NT5DC4: variants seen among roughly 807,000 people sequenced by gnomAD.
NT5DC4 encodes the protein 5'-nucleotidase domain containing 4.
In NT5DC4, 44 loss-of-function variants were observed where a neutral mutation model predicts 26.6. That is an observed-to-expected ratio of 1.65 (90% CI 1.30 to 2.13). The LOEUF (loss-of-function observed/expected upper bound fraction) is 2.13, where lower values mean the gene tolerates loss of function less well. Among genes scored for constraint, NT5DC4 ranks in the 30% most tolerant of loss-of-function variants. NT5DC4 has a pLI of 0.00. For missense variants in NT5DC4, 399 were observed against 228.1 expected (o/e 1.75, Z -4.83); for synonymous variants, 157 against 86.7 (o/e 1.81, Z -4.51).
intron 13 of NT5DC4, 131 bp from the exon 14 acceptor site, chr2:112,726,107 G>A (rs900603841): frequency 3.0e-6 from 2 of 660,422 alleles, no homozygotes; most frequent in Non-Finnish European, 5.6e-6. Flanking sequence ...GTGATGTAAG[G>A]GGCCAGGGGT....
chr2:112,721,468 A>G (rs1181877479), intron 1 of NT5DC4: 1 of 717,686 alleles, frequency 1.4e-6, no homozygotes, highest in East Asian at 2.7e-5. Context: ...CTGGGGTCCC[A>G]TTTCAGAAGG....
At chr2:112,741,034 G>A (rs756132839), downstream of NT5DC4, 2 of 1,493,340 alleles carry the variant, frequency 1.3e-6, no homozygotes, top group Non-Finnish European at 1.8e-6. Context: ...ATGAAGGAAA[G>A]TAAGATTTAC....
downstream of NT5DC4, among the ~76,000 whole-genome samples, chr2:112,741,790 C>T (rs1003989709): frequency 2.6e-5 from 4 of 151,860 alleles, no homozygotes; most frequent in Admixed American, 6.6e-5. Flanking sequence ...GATGGAGTTT[C>T]GCTCTTGTTG....
intron 16 of NT5DC4, among the ~76,000 whole-genome samples, chr2:112,735,326 G>A (rs944163776): frequency 6.6e-6 from 1 of 152,122 alleles, no homozygotes; most frequent in Admixed American, 6.6e-5. Flanking sequence ...TTACAGGCAT[G>A]AGCCACCATG....
At chr2:112,727,877 T>C (rs1485357289) in intron 15 of NT5DC4, among the ~76,000 whole-genome samples, 1 of 152,290 alleles carries the variant, frequency 6.6e-6, no homozygotes, top group Non-Finnish European at 1.5e-5. Flanking sequence ...GACACTCTTC[T>C]CCAGCCAGCT....
At chr2:112,724,180 G>A in intron 10 of NT5DC4, 54 bp downstream of exon 10, 1 of 716,346 alleles carries the variant, frequency 1.4e-6, no homozygotes, top group Non-Finnish European at 2.6e-6. Flanking sequence ...AAAGGGCCAG[G>A]GTGCCAGGCT....
At chr2:112,732,596 G>A (rs1197669560) in intron 16 of NT5DC4, among the ~76,000 whole-genome samples, 2 of 152,194 alleles carry the variant, frequency 1.3e-5, no homozygotes, top group South Asian at 2.1e-4. Context: ...ATACTTTTCC[G>A]GAAAGGTCCT....
chr2:112,726,851 A>G (rs994155610), intron 15 of NT5DC4, 113 bp downstream of exon 15: 3 of 697,690 alleles, frequency 4.3e-6, no homozygotes, highest in Non-Finnish European at 8.0e-6. Context: ...CAGTTACCCC[A>G]TTCTCCTCAG....
chr2:112,727,002 C>A (rs1457541273), intron 15 of NT5DC4: 1 of 535,880 alleles, frequency 1.9e-6, no homozygotes, highest in Non-Finnish European at 3.4e-6. Flanking sequence ...TGCCAATCAC[C>A]CTGCCCGGGA....
upstream of NT5DC4, among the ~76,000 whole-genome samples, chr2:112,718,925 C>T (rs1165750061): frequency 6.6e-6 from 1 of 152,226 alleles, no homozygotes; most frequent in Non-Finnish European, 1.5e-5. Context: ...TGCATCCACC[C>T]ATCTCTCCAT....
chr2:112,725,584 G>C (rs1299007708), intron 13 of NT5DC4, 32 bp downstream of exon 13: 1 of 665,660 alleles, frequency 1.5e-6, no homozygotes, highest in Non-Finnish European at 2.8e-6. Flanking sequence ...CAGTCAGAGG[G>C]GCACTGGCCT....
chr2:112,725,010 C>G (rs143120175), intron 11 of NT5DC4, 104 bp downstream of exon 11: 1 of 664,298 alleles, frequency 1.5e-6, no homozygotes, highest in East Asian at 2.7e-5. Flanking sequence ...CCTGTCTGTC[C>G]CTGGAGGCAG....
At chr2:112,733,941 C>T (rs185354745) in intron 16 of NT5DC4, among the ~76,000 whole-genome samples, 62 of 152,160 alleles carry the variant, frequency 4.1e-4, no homozygotes, top group African/African-American at 1.5e-3. Flanking sequence ...GATGTGTTTC[C>T]TTATCATCAC....
At chr2:112,722,332 C>T in intron 4 of NT5DC4, 54 bp downstream of exon 4, 1 of 715,788 alleles carries the variant, frequency 1.4e-6, no homozygotes, top group Non-Finnish European at 2.6e-6. Context: ...GGACTGCTCA[C>T]CTTGGGGGAG....
At chr2:112,726,878 C>A in intron 15 of NT5DC4, 140 bp downstream of exon 15, 1 of 664,076 alleles carries the variant, frequency 1.5e-6, no homozygotes, top group East Asian at 2.7e-5. Context: ...CTGGGCTCCA[C>A]CTGCCTTGTC....
intron 16 of NT5DC4, among the ~76,000 whole-genome samples, chr2:112,734,969 C>T (rs951292851): frequency 6.6e-6 from 1 of 150,760 alleles, no homozygotes; most frequent in African/African-American, 2.4e-5. Flanking sequence ...GGATTATAGG[C>T]GTGAGCCACC....
chr2:112,741,002 T>C (rs1679907535), downstream of NT5DC4: 1 of 1,606,312 alleles, frequency 6.2e-7, no homozygotes, highest in Non-Finnish European at 8.5e-7. Flanking sequence ...GAGTCAGAAG[T>C]AATCCCTGTG....
upstream of NT5DC4, among the ~76,000 whole-genome samples, chr2:112,720,105 A>G (rs1047645586): frequency 2.7e-5 from 4 of 146,144 alleles, no homozygotes; most frequent in Non-Finnish European, 6.0e-5. Context: ...GAGTGCAGCA[A>G]TCTCGGCTCA....
intron 16 of NT5DC4, chr2:112,731,161 G>C (rs896200677): frequency 1.3e-5 from 2 of 151,808 alleles, no homozygotes; most frequent in African/African-American, 4.8e-5. Context: ...GGCATCACGG[G>C]CCATCTTCTA....
Sources: allele counts gnomAD v4.1 joint callset (sites outside exome capture counted in the v4.1 genomes callset), GRCh38; gene constraint gnomAD v4.1.1; transcripts MANE v1.5; gene names NCBI Gene and HGNC (gene_info 2026-07-23, HGNC 2026-07-21).